RALGAPA1: variants seen among roughly 807,000 people sequenced by gnomAD.
RALGAPA1 encodes ral GTPase-activating protein subunit alpha-1.
RALGAPA1 carries 52 observed loss-of-function variants against 269.6 expected under a neutral mutation model. The observed-to-expected ratio is 0.19, with a 90% confidence interval of 0.15 to 0.24. RALGAPA1 has a LOEUF of 0.24. RALGAPA1 is among the 10% of genes least tolerant of loss of function. The probability of loss-of-function intolerance (pLI) is 1.00; values close to 1 mark genes in which losing one functional copy is unlikely to be tolerated. For synonymous variants in RALGAPA1, 817 were observed against 1,008.3 expected, an observed-to-expected ratio of 0.81 and a Z score of 3.60; for missense variants, 1,917 against 3,013.9, an observed-to-expected ratio of 0.64 and a Z score of 8.52.
intron 19 of RALGAPA1, among the ~76,000 whole-genome samples, chr14:35,686,162 A>G (rs904634182): frequency 6.6e-6 from 1 of 150,772 alleles, no homozygotes; most frequent in African/African-American, 2.4e-5. Context: ...ATTTATTTAT[A>G]TAACTACGGG....
At position 35,627,726 on chromosome 14, in the gene RALGAPA1, A is replaced by G; in HGVS notation, c.6221T>C (p.Val2074Ala). Residue 2074 changes from valine (V) to alanine (A), a missense_variant, in exon 34 of 42, where the codon GTG (valine) becomes GCG (alanine). Physicochemically the swap from Val to Ala is moderately conservative, Grantham distance 64. Around this residue, in one of 11 missense-constraint regions of RALGAPA1, gnomAD observed 346 missense variants for 566.1 expected, o/e 0.61. Transcript: ENST00000680220. ...QFFVLNNTTL[V>A]SCIQIRSEEN... ...TTCTGATCTGATCTGGATACAGGAC[A>G]CTAAGGTTGTATTATTTAACACAAA... 1 of 1,613,736 alleles carries G rather than the reference A, an allele frequency of 6.2e-7. No individual in the cohort carries two copies. The highest frequency in any genetic ancestry group is 1.1e-5 in the South Asian group (1 of 90,960).
intron 17 of RALGAPA1, among the ~76,000 whole-genome samples, chr14:35,693,473 A>G (rs1426963620): frequency 1.3e-5 from 2 of 151,802 alleles, no homozygotes; most frequent in Non-Finnish European, 2.9e-5. Flanking sequence ...AAAATTTTAT[A>G]TATTTTTCTC....
At position 35,688,872 on chromosome 14, in the gene RALGAPA1, T is replaced by G; in HGVS notation, c.3539A>C (p.Lys1180Thr). 7.8e-7 allele frequency: 1 copy of G among 1,280,348 alleles called. No individual in the cohort carries two copies. The highest frequency in any genetic ancestry group is 9.8e-7 in the Non-Finnish European group (1 of 1,016,210). The allele number at this position is 1,280,348 out of a possible 1,614,324, so 79.3% of individuals were successfully genotyped here. A position where few individuals can be genotyped will look rare whatever the true frequency, so the allele number is the denominator to read the frequency against. ...GCTACCACTACTAAAGCCACCGAGC[T>G]TCCGCAGTCTCATCTTCCATGGAGC... ...KEAPWKMRLR[K>T]LGGFSSGSSN... Residue 1180 changes from lysine to threonine, a missense_variant, in exon 18 of 42, where the codon AAG becomes ACG. Transcript: ENST00000680220.
intron 1 of RALGAPA1, among the ~76,000 whole-genome samples, chr14:35,783,144 A>G (rs1014871273): frequency 6.6e-6 from 1 of 152,084 alleles, no homozygotes; most frequent in African/African-American, 2.4e-5. Context: ...ACATTGTCTC[A>G]TTTCAAAACT....
chr14:35,693,446 A>C (rs1028283671), intron 17 of RALGAPA1, among the ~76,000 whole-genome samples: 5 of 151,826 alleles, frequency 3.3e-5, no homozygotes, highest in African/African-American at 1.2e-4. Context: ...TAACTTAAAA[A>C]ATGAAAGCTT....
chr14:35,659,210 G>A lies in RALGAPA1; in HGVS notation c.5329-14C>T, dbSNP rs775879005. ...GATTATAAGTTCCTAAAATAAGGGG[G>A]AAATAGTTAACGGCAATGACTGAGA... On this transcript the variant is annotated splice_polypyrimidine_tract_variant and intron_variant, in intron 27 of 41. Coordinates refer to ENST00000680220, the MANE Select transcript of RALGAPA1 (RefSeq NM_001346249.2). The A allele has an allele frequency of 6.3e-7, 1 of 1,595,532 alleles. No individual in the cohort carries two copies. Among genetic ancestry groups the A allele is most frequent in the Non-Finnish European group, 8.6e-7 (1 of 1,167,656 alleles).
At chr14:35,566,737 C>T (rs1487328583) in intron 39 of RALGAPA1, among the ~76,000 whole-genome samples, 9 of 151,380 alleles carry the variant, frequency 5.9e-5, no homozygotes, top group Admixed American at 2.6e-4. Flanking sequence ...GACAGATGTA[C>T]CTGTATTTCA....
At chr14:35,666,595 T>A (rs1464891512) in intron 26 of RALGAPA1, among the ~76,000 whole-genome samples, 1 of 152,218 alleles carries the variant, frequency 6.6e-6, no homozygotes, top group African/African-American at 2.4e-5. Flanking sequence ...TATGTTAGGC[T>A]TGATTCTTGC....
At chr14:35,631,138 A>C (rs551882425) in intron 33 of RALGAPA1, among the ~76,000 whole-genome samples, 4 of 152,194 alleles carry the variant, frequency 2.6e-5, no homozygotes, top group Non-Finnish European at 5.9e-5. Context: ...TGTTCACACT[A>C]TAAGGGGATA....
intron 27 of RALGAPA1, among the ~76,000 whole-genome samples, chr14:35,663,842 C>T (rs778301234): frequency 3.9e-5 from 6 of 152,172 alleles, no homozygotes; most frequent in South Asian, 2.1e-4. Flanking sequence ...CTGCCCGCCT[C>T]GGCCTCCCAA....
chr14:35,749,821 T>A (rs976886603), intron 9 of RALGAPA1, among the ~76,000 whole-genome samples: 8 of 152,058 alleles, frequency 5.3e-5, no homozygotes, highest in African/African-American at 1.9e-4. Flanking sequence ...TATAAAAGAT[T>A]TAAGGTGTTA....
At chr14:35,732,789 A>G (rs560669131) in intron 12 of RALGAPA1, among the ~76,000 whole-genome samples, 1 of 152,338 alleles carries the variant, frequency 6.6e-6, no homozygotes, top group South Asian at 2.1e-4. Flanking sequence ...GATAGACAGC[A>G]ACACAATAAT....
At chr14:35,754,826 C>T (rs1234467437) in intron 7 of RALGAPA1, among the ~76,000 whole-genome samples, 1 of 152,150 alleles carries the variant, frequency 6.6e-6, no homozygotes, top group African/African-American at 2.4e-5. Context: ...TAAACTGGTG[C>T]ATCCCCTACA....
intron 1 of RALGAPA1, among the ~76,000 whole-genome samples, chr14:35,803,530 A>T (rs2077126785): frequency 6.6e-6 from 1 of 152,210 alleles, no homozygotes. Flanking sequence ...TTCTTCTTCA[A>T]AGAAAACTTT....
intron 3 of RALGAPA1, among the ~76,000 whole-genome samples, chr14:35,771,592 T>C (rs1267150041): frequency 6.6e-6 from 1 of 152,162 alleles, no homozygotes; most frequent in African/African-American, 2.4e-5. Flanking sequence ...ATAGAAGGTA[T>C]ATGTTTTCCT....
chr14:35,629,282 GGTGTGTGTGT>G (rs33989714), intron 33 of RALGAPA1, among the ~76,000 whole-genome samples: 3 of 145,292 alleles, frequency 2.1e-5, no homozygotes, highest in African/African-American at 5.2e-5. Context: ...ATGTTTAGGG[GGTGTGTGTGT>G]GTGTGTGTGT....
intron 18 of RALGAPA1, 90 bp from the exon 19 acceptor site, chr14:35,686,756 C>T (rs2065976260): frequency 3.3e-6 from 2 of 603,500 alleles, no homozygotes; most frequent in African/African-American, 1.9e-5. Context: ...AACAAAGTAC[C>T]TTTGCCAATT....
rs189609554 is a variant in RALGAPA1, at chr14:35,593,612, C to T, written c.7209+2022G>A. The stretch of plus-strand genomic sequence containing the variant: ...GGGCACAGTGGCTTACACCTATAAT[C>T]CCAGCATTATAGGCTGAAGAGGGAT... On this transcript the variant is annotated intron_variant, in intron 37 of 41. Transcript: ENST00000680220. Among the ~76,000 whole-genome samples the T allele has an allele frequency of 2.4e-3, 359 of 152,136 alleles. 3 individuals carry two copies. The highest frequency in any genetic ancestry group is 6.8e-3 in the Middle Eastern group (2 of 294).
intron 31 of RALGAPA1, among the ~76,000 whole-genome samples, chr14:35,646,197 TC>T (rs1229848440): frequency 1.3e-5 from 2 of 152,052 alleles, no homozygotes; most frequent in Non-Finnish European, 2.9e-5. Flanking sequence ...CTGGTAAGAG[TC>T]ATTAATGATT....
Sources: allele counts gnomAD v4.1 joint callset (sites outside exome capture counted in the v4.1 genomes callset), GRCh38; gene constraint gnomAD v4.1.1; regional missense constraint gnomAD v4.1.1; transcripts MANE v1.5; gene names NCBI Gene and HGNC (gene_info 2026-07-23, HGNC 2026-07-21).